Variants in SPAG16 observed in about 807,000 individuals in gnomAD.
SPAG16 encodes sperm associated antigen 16.
Under a neutral mutation model 80.4 loss-of-function variants are expected in SPAG16, and 86 were observed. That is an observed-to-expected ratio of 1.07 (90% CI 0.90 to 1.28). The LOEUF is 1.28. SPAG16 is among the 50% of genes most tolerant of loss of function. The pLI, the probability that SPAG16 is intolerant of heterozygous loss-of-function variation, is 0.00. For missense variants in SPAG16, 870 were observed against 765.3 expected (o/e 1.14, Z -1.61); for synonymous variants, 294 against 265.9 (o/e 1.11, Z -1.03).
intron 13 of SPAG16, among the ~76,000 whole-genome samples, chr2:214,061,197 A>G (rs764732373): frequency 1.3e-5 from 2 of 152,206 alleles, no homozygotes; most frequent in African/African-American, 4.8e-5. Flanking sequence ...GAAAGTACAT[A>G]AAGCTTGGAA....
chr2:213,750,408 T>A (rs1308470893), intron 10 of SPAG16, among the ~76,000 whole-genome samples: 1 of 152,236 alleles, frequency 6.6e-6, no homozygotes, highest in Non-Finnish European at 1.5e-5. Flanking sequence ...CTGCTGTGAC[T>A]TTTATAAATG....
intron 9 of SPAG16, among the ~76,000 whole-genome samples, chr2:213,428,362 T>C (rs2070077171): frequency 6.6e-6 from 1 of 152,172 alleles, no homozygotes; most frequent in East Asian, 1.9e-4. Flanking sequence ...TAAAACACTA[T>C]GAGAAGGGAC....
chr2:214,130,032 G>C (rs975064319), intron 14 of SPAG16, among the ~76,000 whole-genome samples: 1 of 152,092 alleles, frequency 6.6e-6, no homozygotes, highest in Non-Finnish European at 1.5e-5. Flanking sequence ...ACAAGTGAGC[G>C]TGCCTTCCAA....
At chr2:213,413,288 G>A (rs2069084160) in intron 9 of SPAG16, among the ~76,000 whole-genome samples, 1 of 152,094 alleles carries the variant, frequency 6.6e-6, no homozygotes, top group Admixed American at 6.5e-5. Context: ...GTATCCATAA[G>A]ATTAAGTATT....
intron 15 of SPAG16, among the ~76,000 whole-genome samples, chr2:214,397,453 C>T (rs1244148009): frequency 1.3e-5 from 2 of 152,136 alleles, no homozygotes; most frequent in Middle Eastern, 3.4e-3. Context: ...CCCCCGCGCC[C>T]GGCCATATTT....
At chr2:213,659,022 G>C (rs1053433703) in intron 10 of SPAG16, among the ~76,000 whole-genome samples, 1 of 151,998 alleles carries the variant, frequency 6.6e-6, no homozygotes, top group Non-Finnish European at 1.5e-5. Flanking sequence ...GCAACAGAGC[G>C]AGACTCTGTC....
chr2:213,456,277 C>T (rs1324597887), intron 9 of SPAG16, among the ~76,000 whole-genome samples: 2 of 152,048 alleles, frequency 1.3e-5, no homozygotes, highest in African/African-American at 4.8e-5. Context: ...TCAAATGCTC[C>T]CAAAAGTCTT....
intron 12 of SPAG16, among the ~76,000 whole-genome samples, chr2:214,006,335 A>G (rs954566399): frequency 6.6e-6 from 1 of 152,254 alleles, no homozygotes; most frequent in Non-Finnish European, 1.5e-5. Flanking sequence ...GTGTTAAAAC[A>G]GTGTCCTTTT....
At position 214,386,884 on chromosome 2, in the gene SPAG16, A is replaced by AC. The variant is rs200244248; in HGVS notation, c.1721-23256_1721-23255insC. Among the ~76,000 whole-genome samples the AC allele has an allele frequency of 5.9e-3, 886 of 151,264 alleles. 18 individuals carry two copies. Among genetic ancestry groups the AC allele is most frequent in the African/African-American group, 0.02 (807 of 41,098 alleles). ...TGTCTCAAAAAAAGAGAAAAAAAAA[A>AC]AACAACTATGAAATAGGGAGAACTA... On this transcript the variant is annotated intron_variant, in intron 15 of 15. Transcript: ENST00000331683.
chr2:214,279,041 G>A (rs1378958318), intron 15 of SPAG16, among the ~76,000 whole-genome samples: 1 of 151,246 alleles, frequency 6.6e-6, no homozygotes, highest in South Asian at 2.1e-4. Flanking sequence ...GTAATTGGAT[G>A]TACCCTTGTG....
chr2:214,031,034 G>A (rs1049628936), intron 13 of SPAG16, among the ~76,000 whole-genome samples: 2 of 152,160 alleles, frequency 1.3e-5, no homozygotes, highest in Non-Finnish European at 2.9e-5. Context: ...AACTACCTGA[G>A]TTTCCAGTTT....
At chr2:214,258,490 TAC>T (rs1553539148) in intron 15 of SPAG16, among the ~76,000 whole-genome samples, 1 of 147,388 alleles carries the variant, frequency 6.8e-6, no homozygotes, top group African/African-American at 2.6e-5. Flanking sequence ...TATATATATA[TAC>T]ACACACACAT....
At chr2:213,916,237 A>G (rs1238927617) in intron 11 of SPAG16, among the ~76,000 whole-genome samples, 3 of 152,060 alleles carry the variant, frequency 2.0e-5, no homozygotes, top group Non-Finnish European at 4.4e-5. Flanking sequence ...TAGGGTTTTT[A>G]TGGTTTTAGG....
At chr2:213,834,232 T>C (rs919580517) in intron 10 of SPAG16, among the ~76,000 whole-genome samples, 17 of 152,142 alleles carry the variant, frequency 1.1e-4, no homozygotes, top group Non-Finnish European at 2.1e-4. Flanking sequence ...AGGTATGTCC[T>C]TATCAGCAGA....
chr2:213,866,310 T>G (rs1016925855), intron 11 of SPAG16, among the ~76,000 whole-genome samples: 1 of 152,184 alleles, frequency 6.6e-6, no homozygotes, highest in Admixed American at 6.5e-5. Flanking sequence ...ATTTCACTAT[T>G]TTGAATGCAA....
chr2:214,304,591 T>C (rs1489864857), intron 15 of SPAG16, among the ~76,000 whole-genome samples: 1 of 152,192 alleles, frequency 6.6e-6, no homozygotes, highest in Non-Finnish European at 1.5e-5. Context: ...TGTTCAGGGC[T>C]CTCAACTCTG....
At chr2:214,267,010 C>T (rs1380519119) in intron 15 of SPAG16, among the ~76,000 whole-genome samples, 1 of 151,576 alleles carries the variant, frequency 6.6e-6, no homozygotes, top group Non-Finnish European at 1.5e-5. Flanking sequence ...GTCCATACTA[C>T]CCAAAGCATT....
chr2:213,514,538 A>T (rs955942578), intron 10 of SPAG16, among the ~76,000 whole-genome samples: 7 of 151,870 alleles, frequency 4.6e-5, no homozygotes, highest in African/African-American at 1.7e-4. Flanking sequence ...ACATATGTAT[A>T]CATGTGCCAT....
At chr2:214,025,914 A>G (rs2048102727) in intron 13 of SPAG16, among the ~76,000 whole-genome samples, 1 of 151,522 alleles carries the variant, frequency 6.6e-6, no homozygotes, top group African/African-American at 2.4e-5. Context: ...TAAACTGTAA[A>G]CTTCTGTAAA....
Sources: allele counts gnomAD v4.1 joint callset (sites outside exome capture counted in the v4.1 genomes callset), GRCh38; gene constraint gnomAD v4.1.1; transcripts MANE v1.5; gene names NCBI Gene and HGNC (gene_info 2026-07-23, HGNC 2026-07-21).